CPA6: variants seen among roughly 807,000 people sequenced by gnomAD.
CPA6 encodes the protein carboxypeptidase A6.
CPA6 carries 58 observed loss-of-function variants against 63.3 expected under a neutral mutation model. The ratio of observed to expected loss-of-function variants is 0.92; its 90% CI spans 0.74 to 1.14. The LOEUF is 1.14. Among genes scored for constraint, CPA6 ranks in the 50% most tolerant of loss-of-function variants. CPA6 has a pLI of 0.00. For synonymous variants in CPA6, 185 were observed against 179.0 expected, an observed-to-expected ratio of 1.03 and a Z score of -0.27; for missense variants, 565 against 526.6, an observed-to-expected ratio of 1.07 and a Z score of -0.71.
intron 2 of CPA6, among the ~76,000 whole-genome samples, chr8:67,619,488 A>G (rs745837337): frequency 3.3e-5 from 5 of 152,202 alleles, no homozygotes; most frequent in Non-Finnish European, 4.4e-5. Context: ...AGGCAGAATT[A>G]TAGTTGGGCA....
At chr8:67,539,478 G>A (rs1812659541) in intron 2 of CPA6, among the ~76,000 whole-genome samples, 3 of 152,018 alleles carry the variant, frequency 2.0e-5, no homozygotes, top group African/African-American at 7.3e-5. Context: ...TGTGTCTTGG[G>A]GTAGCTCTTC....
chr8:67,447,503 G>C (rs1043759061), intron 8 of CPA6, among the ~76,000 whole-genome samples: 1 of 113,368 alleles, frequency 8.8e-6, no homozygotes, highest in East Asian at 2.4e-4. Context: ...AGATATGTGT[G>C]TATACACACA....
chr8:67,684,270 T>C (rs1016080118), intron 1 of CPA6, among the ~76,000 whole-genome samples: 10 of 152,022 alleles, frequency 6.6e-5, no homozygotes, highest in African/African-American at 4.8e-5. Flanking sequence ...GTTAGGAGCT[T>C]GTCTTACACA....
intron 2 of CPA6, among the ~76,000 whole-genome samples, chr8:67,572,442 C>G (rs1813509555): frequency 1.3e-5 from 2 of 152,178 alleles, no homozygotes; most frequent in Admixed American, 1.3e-4. Flanking sequence ...GAATGCCCCT[C>G]AAGTTCCTGG....
At chr8:67,547,961 T>C (rs966410076) in intron 2 of CPA6, among the ~76,000 whole-genome samples, 2 of 152,236 alleles carry the variant, frequency 1.3e-5, no homozygotes, top group Non-Finnish European at 2.9e-5. Context: ...TTTTAAAGTT[T>C]CATTCTATTC....
At chr8:67,501,069 C>A (rs529522207) in intron 6 of CPA6, among the ~76,000 whole-genome samples, 1 of 152,026 alleles carries the variant, frequency 6.6e-6, no homozygotes, top group Non-Finnish European at 1.5e-5. Flanking sequence ...ATTCCATATA[C>A]TTTTAAGAAT....
At chr8:67,485,081 A>G (rs1006424942) in intron 6 of CPA6, among the ~76,000 whole-genome samples, 2 of 152,226 alleles carry the variant, frequency 1.3e-5, no homozygotes, top group Non-Finnish European at 2.9e-5. Context: ...AAGCAGCAAC[A>G]TAGATAGGAT....
chr8:67,438,181 G>C (rs1007075499), intron 8 of CPA6, among the ~76,000 whole-genome samples: 4 of 152,228 alleles, frequency 2.6e-5, no homozygotes, highest in African/African-American at 9.6e-5. Context: ...GCCTCCGAAA[G>C]TGCTGGGATT....
intron 8 of CPA6, among the ~76,000 whole-genome samples, chr8:67,463,073 A>G (rs1810848831): frequency 6.6e-6 from 1 of 152,188 alleles, no homozygotes; most frequent in African/African-American, 2.4e-5. Context: ...TTAATTGGTT[A>G]TTTGGCTAAC....
At chr8:67,641,265 G>T (rs1264562779) in intron 1 of CPA6, among the ~76,000 whole-genome samples, 1 of 151,790 alleles carries the variant, frequency 6.6e-6, no homozygotes, top group Non-Finnish European at 1.5e-5. Flanking sequence ...GGTTGGATTG[G>T]ATTTGGTTGG....
At chr8:67,707,533 G>C (rs1817162917) in intron 1 of CPA6, among the ~76,000 whole-genome samples, 1 of 152,164 alleles carries the variant, frequency 6.6e-6, no homozygotes, top group African/African-American at 2.4e-5. Flanking sequence ...CAATAAAAAT[G>C]TTTTCTTTGC....
intron 2 of CPA6, among the ~76,000 whole-genome samples, chr8:67,594,734 C>G (rs563966863): frequency 2.6e-5 from 4 of 152,336 alleles, no homozygotes; most frequent in Admixed American, 2.6e-4. Flanking sequence ...GCTCCATCAG[C>G]TCCTTTAAGC....
At chr8:67,650,149 T>C (rs1815803876) in intron 1 of CPA6, among the ~76,000 whole-genome samples, 1 of 152,118 alleles carries the variant, frequency 6.6e-6, no homozygotes, top group Non-Finnish European at 1.5e-5. Flanking sequence ...TTTTCTTTTT[T>C]GGTGGTGAGA....
intron 1 of CPA6, among the ~76,000 whole-genome samples, chr8:67,638,560 A>G (rs2128989492): frequency 6.6e-6 from 1 of 151,638 alleles, no homozygotes; most frequent in Admixed American, 6.5e-5. Context: ...TCCTGGCTGC[A>G]AAGTGTTGCC....
chr8:67,519,850 C>T (rs7461520), intron 2 of CPA6, among the ~76,000 whole-genome samples: 1,927 of 152,330 alleles, frequency 0.013, 49 homozygotes, highest in African/African-American at 0.043. Context: ...CCTAAATGAA[C>T]TCATTCACAT....
chr8:67,586,295 A>G (rs1012492091), intron 2 of CPA6, among the ~76,000 whole-genome samples: 2 of 152,082 alleles, frequency 1.3e-5, no homozygotes, highest in South Asian at 4.1e-4. Context: ...TGAGCCGCCA[A>G]TAGGGGCTTC....
intron 8 of CPA6, among the ~76,000 whole-genome samples, chr8:67,478,545 A>G (rs1811291908): frequency 6.6e-6 from 1 of 152,222 alleles, no homozygotes. Context: ...TTAGGTAGAT[A>G]GAGTCAGAAT....
intron 6 of CPA6, among the ~76,000 whole-genome samples, chr8:67,493,158 G>T (rs185284004): frequency 6.6e-6 from 1 of 152,114 alleles, no homozygotes; most frequent in Non-Finnish European, 1.5e-5. Flanking sequence ...CTTAGTAGCT[G>T]TCTCAATTAT....
chr8:67,591,223 C>T (rs574595236), intron 2 of CPA6, among the ~76,000 whole-genome samples: 27 of 152,232 alleles, frequency 1.8e-4, no homozygotes, highest in African/African-American at 6.3e-4. Flanking sequence ...TCTGAGGGCT[C>T]TGGTGTGTTC....
Sources: allele counts gnomAD v4.1 joint callset (sites outside exome capture counted in the v4.1 genomes callset), GRCh38; gene constraint gnomAD v4.1.1; transcripts MANE v1.5; gene names NCBI Gene and HGNC (gene_info 2026-07-23, HGNC 2026-07-21).